LRRC39: variants seen among roughly 807,000 people sequenced by gnomAD.
LRRC39 encodes the protein leucine-rich repeat-containing protein 39.
LRRC39 carries 35 observed loss-of-function variants against 39.7 expected under a neutral mutation model. The observed-to-expected ratio is 0.88, with a 90% CI of 0.67 to 1.17. LRRC39 has a LOEUF of 1.17. LRRC39 is among the 50% of genes most tolerant of loss of function. The pLI, the probability that LRRC39 is intolerant of heterozygous loss-of-function variation, is 0.00. For missense variants in LRRC39, 357 were observed against 385.8 expected (o/e 0.93, Z 0.62); for synonymous variants, 113 against 134.1 (o/e 0.84, Z 1.09).
rs374188851 is a variant in LRRC39 at position 100,149,051 on chromosome 1, C to T, written c.999G>A (p.Thr333=). 1.6e-5 allele frequency: 25 copies of T among 1,590,106 alleles called. No homozygotes were observed. Among genetic ancestry groups the T allele is most frequent in the African/African-American group, 5.4e-5 (4 of 73,938 alleles). The change falls in exon 10 of 10, where the codon ACG becomes ACA. Residue 333 remains threonine (T), a synonymous_variant. Transcript: ENST00000370137. The part of the protein sequence containing the change: ...GSTTLPISIN[T]DG ...GGCATCTTGAATTATATTATCCATC[C>T]GTATTTATGGAGATTGGTAAAGTAG...
chr1:100,170,598 A>C (rs780611701), intron 2 of LRRC39, among the ~76,000 whole-genome samples: 12 of 152,184 alleles, frequency 7.9e-5, no homozygotes, highest in Non-Finnish European at 1.8e-4. Flanking sequence ...TGAGCTGTAC[A>C]CTAAAAGAGA....
intron 2 of LRRC39, among the ~76,000 whole-genome samples, chr1:100,171,170 T>C (rs573843415): frequency 1.3e-5 from 2 of 152,346 alleles, no homozygotes; most frequent in East Asian, 3.9e-4. Context: ...ACAATTCTTT[T>C]AGCAATTGGT....
At chr1:100,171,787 G>A (rs954260879) in intron 2 of LRRC39, among the ~76,000 whole-genome samples, 1 of 151,098 alleles carries the variant, frequency 6.6e-6, no homozygotes, top group Non-Finnish European at 1.5e-5. Context: ...TTACAGGCTT[G>A]AGCTACTGCA....
Position 100,152,371 on chromosome 1 carries a change from T to G in LRRC39, c.952+14A>C. ...CAAAAAACATTTAATCTGTGTTATA[T>G]ACAAATCTTATACCTGCTCTTCTCC... On this transcript the variant is annotated intron_variant, in intron 9 of 9. Transcript: ENST00000370137. 2 of 1,612,460 alleles carry G rather than the reference T, an allele frequency of 1.2e-6. No individual in the cohort carries two copies. Among genetic ancestry groups the G allele is most frequent in the Non-Finnish European group, 8.5e-7 (1 of 1,179,250 alleles).
Position 100,168,456 on chromosome 1 carries a change from T to G in LRRC39, c.61A>C (p.Arg21=). ...AGGTCTTCATTGAGTTTCTTTATTC[T>G]TTTTTCCCAAACTTCCTTTACAGCA... ...VNAVKEVWEK[R]IKKLNEDLKR... is the part of the protein sequence containing the mutation. Residue 21 remains arginine (R), a synonymous_variant, in exon 3 of 10, where the codon AGA becomes CGA. Coordinates refer to ENST00000370137, the MANE Select transcript of LRRC39 (RefSeq NM_144620.4). The G allele has an allele frequency of 6.2e-7, 1 of 1,612,408 alleles. No homozygotes were observed. Among genetic ancestry groups the G allele is most frequent in the South Asian group, 1.1e-5 (1 of 90,708 alleles).
intron 5 of LRRC39, 32 bp from the exon 6 acceptor site, chr1:100,158,399 T>A: frequency 1.9e-6 from 3 of 1,561,512 alleles, no homozygotes; most frequent in Non-Finnish European, 1.8e-6. Context: ...AGAGAGGAGT[T>A]GGATATAAAA....
At chr1:100,156,385 G>C (rs1658450604) in intron 6 of LRRC39, 68 bp from the exon 7 acceptor site, 3 of 1,393,728 alleles carry the variant, frequency 2.2e-6, no homozygotes, top group Admixed American at 2.2e-5. Context: ...ACTCACATTG[G>C]TAAAGGAGAT....
At chr1:100,165,585 A>G (rs1465018174) in intron 3 of LRRC39, among the ~76,000 whole-genome samples, 2 of 152,200 alleles carry the variant, frequency 1.3e-5, no homozygotes, top group African/African-American at 2.4e-5. Flanking sequence ...TTGTTTTTAC[A>G]GATATTTAGC....
chr1:100,158,043 G>A (rs867938472), intron 6 of LRRC39, among the ~76,000 whole-genome samples, 188 bp downstream of exon 6: 1 of 152,190 alleles, frequency 6.6e-6, no homozygotes, highest in Admixed American at 6.5e-5. Context: ...AATAATAGAA[G>A]TATCTTTTAC....
At chr1:100,172,450 GC>G (rs1222692317) in intron 2 of LRRC39, among the ~76,000 whole-genome samples, 92 of 152,310 alleles carry the variant, frequency 6.0e-4, no homozygotes, top group Middle Eastern at 3.4e-3. Context: ...ACTTTGGGAG[GC>G]CGAGGCGGGC....
chr1:100,177,183 G>GA (rs1160772991), intron 1 of LRRC39, among the ~76,000 whole-genome samples: 1 of 150,904 alleles, frequency 6.6e-6, no homozygotes, highest in Non-Finnish European at 1.5e-5. Flanking sequence ...CTTTGAAAAA[G>GA]AAAAAAAAGA....
chr1:100,179,287 G>A (rs573767813), upstream of LRRC39, among the ~76,000 whole-genome samples: 30 of 152,032 alleles, frequency 2.0e-4, no homozygotes, highest in African/African-American at 7.0e-4. Flanking sequence ...CACAGAAAGA[G>A]TAAAGAAGCC....
chr1:100,156,369 TAA>T, intron 6 of LRRC39, 52 bp from the exon 7 acceptor site: 1 of 1,516,100 alleles, frequency 6.6e-7, no homozygotes, highest in South Asian at 1.3e-5. Flanking sequence ...TGTAAACTAC[TAA>T]AAGACTCACA....
chr1:100,172,949 G>C, intron 2 of LRRC39, among the ~76,000 whole-genome samples: 1 of 140,192 alleles, frequency 7.1e-6, no homozygotes, highest in Non-Finnish European at 1.5e-5. Context: ...GACAGAGCGA[G>C]ACTCTGTCTC....
At chr1:100,167,926 C>T (rs1659358821) in intron 3 of LRRC39, among the ~76,000 whole-genome samples, 1 of 151,670 alleles carries the variant, frequency 6.6e-6, no homozygotes. Flanking sequence ...TTGGTGACAT[C>T]CAATCAGGAA....
intron 1 of LRRC39, among the ~76,000 whole-genome samples, chr1:100,175,706 T>C (rs1345046422): frequency 1.3e-5 from 2 of 151,392 alleles, no homozygotes; most frequent in Non-Finnish European, 2.9e-5. Flanking sequence ...CAACAGAAAA[T>C]ACAATTGAAC....
intron 2 of LRRC39, among the ~76,000 whole-genome samples, chr1:100,172,787 T>C (rs973572808): frequency 6.6e-6 from 1 of 151,834 alleles, no homozygotes; most frequent in South Asian, 2.1e-4. Context: ...GGTGAAACCC[T>C]GTCTCTACTA....
At position 100,168,463 on chromosome 1, in the gene LRRC39, C is replaced by T; in HGVS notation, c.54G>A (p.Trp18Ter). 1 of 1,611,604 alleles carries T rather than the reference C, an allele frequency of 6.2e-7. No homozygotes were observed. The highest frequency in any genetic ancestry group is 8.5e-7 in the Non-Finnish European group (1 of 1,179,288). The change falls in exon 3 of 10, where the codon TGG becomes TGA. Residue 18 changes from tryptophan (W) to a stop codon, truncating the protein, a stop_gained. Coordinates refer to ENST00000370137, the MANE Select transcript of LRRC39 (RefSeq NM_144620.4). LOFTEE classifies it high-confidence loss of function. ...TGAVNAVKEV[W>*]EKRIKKLNED... ...CATTGAGTTTCTTTATTCTTTTTTC[C>T]CAAACTTCCTTTACAGCATTGACAG...
Position 100,156,737 on chromosome 1 carries a change from C to G in LRRC39, c.514-420G>C, listed in dbSNP as rs2101770750. 1.3e-5 allele frequency among the ~76,000 whole-genome samples: 2 copies of G among 152,192 alleles called. 1 individual carries two copies. ...TCATGCCTATAATCCTAGCATTTTG[C>G]TAGGCAATTTGGTAGTTAGGAGGAT... is the stretch of plus-strand genomic sequence containing the variant. On this transcript the variant is annotated intron_variant, in intron 6 of 9. Coordinates refer to ENST00000370137, the MANE Select transcript of LRRC39 (RefSeq NM_144620.4).
Sources: gnomAD v4.1 joint callset for allele counts (sites outside exome capture counted in the v4.1 genomes callset) on GRCh38, gnomAD v4.1.1 for gene constraint, MANE v1.5 for transcripts, NCBI Gene and HGNC (gene_info 2026-07-23, HGNC 2026-07-21) for gene names.